GALNT9: variants seen among roughly 807,000 people sequenced by gnomAD.
GALNT9 encodes polypeptide N-acetylgalactosaminyltransferase 9.
Under a neutral mutation model 63.1 loss-of-function variants are expected in GALNT9, and 47 were observed. That is an observed-to-expected ratio of 0.75 (90% CI 0.59 to 0.95). The LOEUF (loss-of-function observed/expected upper bound fraction) is 0.95. Ranked by LOEUF, GALNT9 falls within the 40% of genes least tolerant of loss-of-function variation. The probability of loss-of-function intolerance (pLI) is 0.00; values close to 1 mark genes in which losing one functional copy is unlikely to be tolerated. For synonymous variants in GALNT9, 396 were observed against 365.7 expected (o/e 1.08, Z -0.94); for missense variants, 829 against 874.8 (o/e 0.95, Z 0.66).
chr12:132,248,108 T>C (rs2135535034), intron 5 of GALNT9, 81 bp from the exon 6 acceptor site: 1 of 1,484,896 alleles, frequency 6.7e-7, no homozygotes, highest in Non-Finnish European at 9.0e-7. Flanking sequence ...CAGGAAAGCC[T>C]GGAAGACCCC....
At chr12:132,197,306 TC>T in intron 10 of GALNT9, 53 bp from the exon 11 acceptor site, 8 of 1,587,640 alleles carry the variant, frequency 5.0e-6, no homozygotes, top group Non-Finnish European at 2.6e-6. Flanking sequence ...TTGTTCCCCC[TC>T]CCCCCACCTC....
In GALNT9 at chr12:132,246,446, T is replaced by C. The variant is rs1878708889; in HGVS notation, c.1077+1464A>G. On this transcript the variant is annotated intron_variant, in intron 6 of 10. Transcript: ENST00000328957. The surrounding 1 kb of genome is among the most constrained non-coding windows in gnomAD (Gnocchi z 4.7). ...GTGATTAAAAGAAAATAAAACACTATGTTTGTAAGTGCCATTTTTAAAAGG... is the reference window on the plus strand; with the variant it reads ...GTGATTAAAAGAAAATAAAACACTACGTTTGTAAGTGCCATTTTTAAAAGG... Among the ~76,000 whole-genome samples, 1 of 152,228 alleles carries C rather than the reference T, an allele frequency of 6.6e-6. No homozygotes were observed. Among genetic ancestry groups the C allele is most frequent in the South Asian group, 2.1e-4 (1 of 4,832 alleles).
intron 6 of GALNT9, among the ~76,000 whole-genome samples, chr12:132,241,058 C>G (rs1591588595): frequency 7.3e-6 from 1 of 137,780 alleles, no homozygotes; most frequent in South Asian, 2.2e-4. Flanking sequence ...CCTCCCTATA[C>G]CCATTACACA....
intron 1 of GALNT9, among the ~76,000 whole-genome samples, chr12:132,287,920 G>A (rs1555242356): frequency 6.6e-6 from 1 of 152,336 alleles, no homozygotes; most frequent in East Asian, 1.9e-4. Flanking sequence ...GGATTTGGGG[G>A]CGGGTGCCTG....
chr12:132,260,878 G>T (rs574585911), intron 4 of GALNT9, 70 bp downstream of exon 4: 2 of 1,444,494 alleles, frequency 1.4e-6, no homozygotes, highest in Non-Finnish European at 1.8e-6. Flanking sequence ...GCAGCCGCAC[G>T]GCGGCTTAGG....
chr12:132,219,648 C>A (rs1356538676), intron 6 of GALNT9, among the ~76,000 whole-genome samples: 1 of 152,196 alleles, frequency 6.6e-6, no homozygotes, highest in East Asian at 1.9e-4. Context: ...GGCAGCAGCA[C>A]CCGCGCTTGG....
chr12:132,308,581 G>A (rs1881696955), intron 1 of GALNT9, among the ~76,000 whole-genome samples: 1 of 151,488 alleles, frequency 6.6e-6, no homozygotes, highest in African/African-American at 2.4e-5. Context: ...GGCCGGGGAG[G>A]TAAGGTGGGG....
chr12:132,222,273 A>G (rs1338492851), intron 6 of GALNT9, among the ~76,000 whole-genome samples: 3 of 152,308 alleles, frequency 2.0e-5, no homozygotes, highest in South Asian at 4.1e-4. Context: ...GCAAAGGCAC[A>G]CACCATTAAA....
intron 2 of GALNT9, chr12:132,275,657 G>A (rs1880054289): frequency 6.6e-6 from 1 of 152,324 alleles, no homozygotes; most frequent in Non-Finnish European, 1.5e-5. Flanking sequence ...ACTTGCTGTT[G>A]AAGGAGTCCT....
intron 6 of GALNT9, among the ~76,000 whole-genome samples, chr12:132,230,808 T>A (rs1241270870): frequency 6.6e-6 from 1 of 152,206 alleles, no homozygotes; most frequent in Non-Finnish European, 1.5e-5. Flanking sequence ...ATGGATCGAT[T>A]TATTTTGTTG....
chr12:132,318,800 C>CCCTGCT (rs1407815674), intron 1 of GALNT9, among the ~76,000 whole-genome samples: 13 of 152,238 alleles, frequency 8.5e-5, no homozygotes, highest in Non-Finnish European at 1.9e-4. Flanking sequence ...GCAGGTCCAG[C>CCCTGCT]CCTGCTCCTG....
At chr12:132,259,066 G>A (rs1293686989) in intron 4 of GALNT9, among the ~76,000 whole-genome samples, 1 of 152,218 alleles carries the variant, frequency 6.6e-6, no homozygotes, top group Non-Finnish European at 1.5e-5. Context: ...GTATTTACCT[G>A]CCTTTCAGCT....
At chr12:132,303,814 CGGGCACACCCTCACCG>C (rs1881432267) in intron 1 of GALNT9, among the ~76,000 whole-genome samples, 2 of 26,508 alleles carry the variant, frequency 7.5e-5, no homozygotes. Flanking sequence ...CACCCTCACC[CGGGCACACCCTCACCG>C]GGGCACACCC....
chr12:132,299,117 T>C (rs1371219875), intron 1 of GALNT9, among the ~76,000 whole-genome samples: 2 of 116,036 alleles, frequency 1.7e-5, no homozygotes, highest in African/African-American at 3.4e-5. Context: ...CCCACTCCCA[T>C]GATAACTAAC....
At chr12:132,205,693 T>G (rs1593468391) in intron 6 of GALNT9, 1 of 152,200 alleles carries the variant, frequency 6.6e-6, no homozygotes, top group African/African-American at 2.4e-5. Flanking sequence ...GGTTTCTGGG[T>G]TTCTGTCTGT....
chr12:132,217,838 CCATT>C (rs1164424928), intron 6 of GALNT9, among the ~76,000 whole-genome samples: 1 of 151,706 alleles, frequency 6.6e-6, no homozygotes, highest in African/African-American at 2.4e-5. Context: ...ACTCATCCAT[CCATT>C]CCTTTATCCA....
At chr12:132,301,347 C>T (rs1275213862) in intron 1 of GALNT9, among the ~76,000 whole-genome samples, 3 of 152,260 alleles carry the variant, frequency 2.0e-5, no homozygotes, top group Non-Finnish European at 2.9e-5. Flanking sequence ...TTGGGGACCA[C>T]GGCTGTGCTT....
chr12:132,196,483 G>C lies in GALNT9; in HGVS notation c.*624C>G. 1 of 985,580 alleles carries C rather than the reference G, an allele frequency of 1.0e-6. No homozygotes were observed. Among genetic ancestry groups the C allele is most frequent in the Non-Finnish European group, 1.2e-6 (1 of 830,034 alleles). 61.1% of individuals were successfully genotyped at this position (985,580 alleles called of 1,614,324 possible). A position where few individuals can be genotyped will look rare whatever the true frequency, so the allele number is the denominator to read the frequency against. ...GGACCGGGCCCCAACCCCCAGCTCGGCTCCCAGGAAGACACACACAGTGCT... is the reference window on the plus strand; with the variant it reads ...GGACCGGGCCCCAACCCCCAGCTCGCCTCCCAGGAAGACACACACAGTGCT... On this transcript the variant is annotated 3_prime_UTR_variant, in exon 11 of 11. Transcript: ENST00000328957.
rs1278567754 is a variant in GALNT9 at position 132,257,600 on chromosome 12, C to T, written c.959+89G>A. 3 of 996,016 alleles carry T rather than the reference C, an allele frequency of 3.0e-6. No homozygotes were observed. The Admixed American group carries it at 7.1e-5, about 24-fold the overall frequency. The allele number at this position is 996,016 out of a possible 1,614,324, so 61.7% of individuals were successfully genotyped here. On this transcript the variant is annotated intron_variant, in intron 5 of 10. Transcript: ENST00000328957. ...GTCCCCAGCCCTCGTCCCCGGCCCT[C>T]ATCCCTGGCCCTCGTCCCCACGCCC...
Sources: gnomAD v4.1 joint callset for allele counts (sites outside exome capture counted in the v4.1 genomes callset) on GRCh38, gnomAD v4.1.1 for gene constraint, Gnocchi (gnomAD v3.1) non-coding constraint, MANE v1.5 for transcripts, NCBI Gene and HGNC (gene_info 2026-07-23, HGNC 2026-07-21) for gene names.